Variants in ADGRE1 observed in about 807,000 individuals in gnomAD.
The protein encoded by ADGRE1 is EGF-like module receptor 1.
ADGRE1 carries 82 observed loss-of-function variants against 102.7 expected under a neutral mutation model. The observed-to-expected ratio is 0.80, with a 90% CI of 0.67 to 0.96. The LOEUF is 0.96. Among genes scored for constraint, ADGRE1 ranks in the 40% least tolerant of loss-of-function variants. The pLI is 0.00. For missense variants in ADGRE1, 1,032 were observed against 1,085.3 expected, an observed-to-expected ratio of 0.95 and a Z score of 0.69; for synonymous variants, 398 against 399.6, an observed-to-expected ratio of 1.00 and a Z score of 0.05.
At chr19:6,928,378 C>A (rs1380906293) in intron 17 of ADGRE1, 167 bp downstream of exon 17, 1 of 1,467,144 alleles carries the variant, frequency 6.8e-7, no homozygotes, top group Non-Finnish European at 9.0e-7. Flanking sequence ...GTAATCCCAG[C>A]ACTTTGGGAG....
At chr19:6,922,727 G>A (rs1440943421) in intron 14 of ADGRE1, among the ~76,000 whole-genome samples, 2 of 151,788 alleles carry the variant, frequency 1.3e-5, no homozygotes, top group Non-Finnish European at 2.9e-5. Flanking sequence ...TATGAAATAA[G>A]CCTTGGTAAA....
rs375507024 is a variant in ADGRE1 at position 6,908,888 on chromosome 19, C to T, written c.1122+116C>T. ...GTGGCTCACACCCATAATCCCAGCACTTTGGGAGATTGAGTCAGATGAATC... is the reference window on the plus strand; with the variant it reads ...GTGGCTCACACCCATAATCCCAGCATTTTGGGAGATTGAGTCAGATGAATC... On this transcript the variant is annotated intron_variant, in intron 10 of 20. Coordinates refer to ENST00000312053, the MANE Select transcript of ADGRE1 (RefSeq NM_001974.5). The T allele has an allele frequency of 3.0e-5, 27 of 903,986 alleles. No homozygotes were observed. The African/African-American group carries it at 4.2e-4, about 14-fold the overall frequency. The allele number at this position is 903,986 out of a possible 1,614,324, so 56.0% of individuals were successfully genotyped here. A position where few individuals can be genotyped will look rare whatever the true frequency, so the allele number is the denominator to read the frequency against.
intron 3 of ADGRE1, 90 bp downstream of exon 3, chr19:6,896,631 C>A: frequency 6.9e-7 from 1 of 1,444,070 alleles, no homozygotes; most frequent in Non-Finnish European, 9.3e-7. Context: ...CTCCCCCACC[C>A]CCCATTTTTT....
At chr19:6,931,458 CGAGG>C (rs1354555738) in intron 17 of ADGRE1, among the ~76,000 whole-genome samples, 1 of 152,126 alleles carries the variant, frequency 6.6e-6, no homozygotes, top group African/African-American at 2.4e-5. Flanking sequence ...CATGACAACA[CGAGG>C]GAGGGTCTGT....
In ADGRE1 at chr19:6,926,555, G is replaced by A. The variant is rs1313224782; in HGVS notation, c.2176G>A (p.Val726Met). ...TTATGGGCTGCCGATGCTGGTGGTGGTGATCTCTGCCAGTGTGCAGCCACA... is the reference window on the plus strand; with the variant it reads ...TTATGGGCTGCCGATGCTGGTGGTGATGATCTCTGCCAGTGTGCAGCCACA... ...FGYGLPMLVV[V>M]ISASVQPQGY... The change falls in exon 16 of 21, where the codon GTG becomes ATG. Residue 726 changes from valine (V) to methionine (M), a missense_variant. Coordinates refer to ENST00000312053, the MANE Select transcript of ADGRE1 (RefSeq NM_001974.5). 1 of 1,614,196 alleles carries A rather than the reference G, an allele frequency of 6.2e-7. No homozygotes were observed. The highest frequency in any genetic ancestry group is 2.2e-5 in the East Asian group (1 of 44,876).
At chr19:6,894,354 C>A (rs1568335516) in intron 2 of ADGRE1, among the ~76,000 whole-genome samples, 1 of 152,066 alleles carries the variant, frequency 6.6e-6, no homozygotes, top group Non-Finnish European at 1.5e-5. Flanking sequence ...CATGAAGGAG[C>A]AACTCACTGA....
intron 2 of ADGRE1, among the ~76,000 whole-genome samples, chr19:6,892,096 C>G (rs1365081615): frequency 3.9e-5 from 6 of 152,052 alleles, no homozygotes; most frequent in Admixed American, 3.3e-4. Context: ...GGGAAACTTA[C>G]AGCATTAAGA....
At chr19:6,937,755 C>T (rs2145043969) in intron 20 of ADGRE1, 107 bp downstream of exon 20, 4 of 938,434 alleles carry the variant, frequency 4.3e-6, no homozygotes, top group Non-Finnish European at 6.6e-6. Flanking sequence ...CTGAGGGTGC[C>T]CACCCTAGTT....
chr19:6,895,860 T>C (rs1441653126), intron 2 of ADGRE1: 2 of 152,338 alleles, frequency 1.3e-5, no homozygotes, highest in African/African-American at 2.4e-5. Context: ...TTGAGGTACA[T>C]GGTTAAATAT....
chr19:6,901,762 G>A (rs1973771695), intron 5 of ADGRE1, 113 bp from the exon 6 acceptor site: 2 of 1,063,586 alleles, frequency 1.9e-6, no homozygotes, highest in Non-Finnish European at 2.8e-6. Flanking sequence ...GGATATTGGG[G>A]AGCATCAGCC....
chr19:6,925,008 C>T, intron 15 of ADGRE1, 136 bp downstream of exon 15: 1 of 796,760 alleles, frequency 1.3e-6, no homozygotes, highest in African/African-American at 1.7e-5. Context: ...GCCTGTAACA[C>T]TCACTTCCCA....
chr19:6,934,929 T>A, intron 17 of ADGRE1, 58 bp from the exon 18 acceptor site: 1 of 1,292,170 alleles, frequency 7.7e-7, no homozygotes, highest in Non-Finnish European at 1.1e-6. Context: ...TTTATAGGTG[T>A]TCTGGCCCTT....
intron 3 of ADGRE1, 126 bp from the exon 4 acceptor site, chr19:6,897,020 CAGA>C (rs900050678): frequency 8.5e-6 from 8 of 944,280 alleles, no homozygotes; most frequent in Non-Finnish European, 1.2e-5. Context: ...CATTGCTTGA[CAGA>C]AGAAGTACCA....
At chr19:6,922,612 TCACACACACACACA>T (rs770150909) in intron 14 of ADGRE1, among the ~76,000 whole-genome samples, 100 of 123,234 alleles carry the variant, frequency 8.1e-4, no homozygotes, top group Admixed American at 2.7e-3. Context: ...AGACTCTGTC[TCACACACACACACA>T]CACACACACA....
intron 17 of ADGRE1, among the ~76,000 whole-genome samples, chr19:6,929,957 T>G (rs1975073638): frequency 6.6e-6 from 1 of 152,172 alleles, no homozygotes; most frequent in East Asian, 1.9e-4. Context: ...AGCTGCCATT[T>G]TGAACATGCC....
rs1973554155 is a variant in ADGRE1, at chr19:6,896,453, A to G, written c.150A>G (p.Thr50=). The G allele has an allele frequency of 1.2e-6, 2 of 1,614,158 alleles. No homozygotes were observed. The highest frequency in any genetic ancestry group is 4.5e-5 in the East Asian group (2 of 44,882). ...CAGCTTATGCCACCTGCACCAATAC[A>G]GTGGACAGTTACTATTGCGCTTGCA... The part of the protein sequence containing the change: ...LCPAYATCTN[T]VDSYYCACKQ... The change falls in exon 3 of 21, where the codon ACA becomes ACG. Residue 50 remains threonine, a synonymous_variant. Transcript: ENST00000312053.
intron 15 of ADGRE1, 26 bp downstream of exon 15, chr19:6,924,898 C>T (rs764738966): frequency 1.7e-5 from 27 of 1,608,824 alleles, no homozygotes; most frequent in Non-Finnish European, 2.2e-5. Flanking sequence ...GCTGTGTCCC[C>T]ACCAAGCCCC....
intron 2 of ADGRE1, among the ~76,000 whole-genome samples, chr19:6,890,934 A>C (rs975614036): frequency 6.6e-6 from 1 of 152,212 alleles, no homozygotes; most frequent in African/African-American, 2.4e-5. Context: ...TGCAAAAAAA[A>C]AGTGACTTCT....
chr19:6,921,776 T>C lies in ADGRE1; in HGVS notation c.1684T>C (p.Trp562Arg), dbSNP rs566937347. 6 of 1,614,140 alleles carry C rather than the reference T, an allele frequency of 3.7e-6. No individual in the cohort carries two copies. The highest frequency in any genetic ancestry group is 5.1e-6 in the Non-Finnish European group (6 of 1,180,040). ...GAGCACTGATGTGAAGGGTGGAAGATGGACATCCTTTGGCTGTGTGATCCT... is the reference window on the plus strand; with the variant it reads ...GAGCACTGATGTGAAGGGTGGAAGACGGACATCCTTTGGCTGTGTGATCCT... Reference protein sequence around the residue: ...SWSTDVKGGRWTSFGCVILEA... With the variant: ...SWSTDVKGGRRTSFGCVILEA... The change falls in exon 14 of 21, where the codon TGG (tryptophan) becomes CGG (arginine). Residue 562 changes from tryptophan to arginine, a missense_variant. Trp to Arg is a moderately radical substitution (Grantham distance 101, BLOSUM62 -3). Transcript: ENST00000312053.
Sources: allele counts gnomAD v4.1 joint callset (sites outside exome capture counted in the v4.1 genomes callset), GRCh38; gene constraint gnomAD v4.1.1; transcripts MANE v1.5; gene names NCBI Gene and HGNC (gene_info 2026-07-23, HGNC 2026-07-21).